Variants in UBE4B observed in about 807,000 individuals in gnomAD.
UBE4B encodes ubiquitination factor E4B.
A neutral mutation model predicts 148.1 loss-of-function variants in UBE4B; 27 were observed. The observed-to-expected ratio is 0.18, with a 90% CI of 0.13 to 0.25. The LOEUF is 0.25. Among genes scored for constraint, UBE4B ranks in the 10% least tolerant of loss-of-function variants. The pLI, the probability that UBE4B is intolerant of heterozygous loss-of-function variation, is 1.00. For synonymous variants in UBE4B, 596 were observed against 619.3 expected (o/e 0.96, Z 0.56); for missense variants, 1,170 against 1,662.4 (o/e 0.70, Z 5.15).
rs1406043582 is a variant in UBE4B at position 10,121,964 on chromosome 1, C to T, written c.1442C>T (p.Ser481Phe). The T allele has an allele frequency of 1.2e-5, 19 of 1,610,512 alleles. No individual in the cohort carries two copies. Among genetic ancestry groups the T allele is most frequent in the Middle Eastern group, 1.7e-4 (1 of 5,998 alleles). The change falls in exon 10 of 28, where the codon TCC (serine) becomes TTC (phenylalanine). Residue 481 changes from serine (S) to phenylalanine (F), a missense_variant and splice_region_variant. Transcript: ENST00000343090. ...VLQGSLTQPR[S>F]LQQPSFLVPY... Reference sequence around the variant, plus strand: ...CCCTAATGTTCATGGGTCCACAGGTCCTTGCAGCAGCCGTCCTTCCTAGTG... The same window carrying T: ...CCCTAATGTTCATGGGTCCACAGGTTCTTGCAGCAGCCGTCCTTCCTAGTG...
intron 5 of UBE4B, among the ~76,000 whole-genome samples, chr1:10,103,942 A>C (rs537654284): frequency 6.6e-6 from 1 of 152,042 alleles, no homozygotes; most frequent in Non-Finnish European, 1.5e-5. Context: ...TTGTAGTTTT[A>C]GTAGAGACAG....
At chr1:10,162,842 A>C (rs1025208920) in intron 23 of UBE4B, among the ~76,000 whole-genome samples, 3 of 151,866 alleles carry the variant, frequency 2.0e-5, no homozygotes, top group Non-Finnish European at 4.4e-5. Flanking sequence ...CATGTGTACC[A>C]ATGTTTAGCT....
intron 1 of UBE4B, among the ~76,000 whole-genome samples, chr1:10,040,904 G>C (rs1349585453): frequency 2.6e-5 from 4 of 152,102 alleles, no homozygotes; most frequent in African/African-American, 7.2e-5. Context: ...ACCGGCGTGA[G>C]CCACCGCACC....
At chr1:10,147,921 A>C (rs1645901083) in intron 19 of UBE4B, among the ~76,000 whole-genome samples, 1 of 152,206 alleles carries the variant, frequency 6.6e-6, no homozygotes, top group Non-Finnish European at 1.5e-5. Context: ...AAGGCGTGGA[A>C]AATATTATTT....
chr1:10,108,671 T>C (rs542131042), intron 7 of UBE4B, among the ~76,000 whole-genome samples: 20 of 152,308 alleles, frequency 1.3e-4, no homozygotes, highest in African/African-American at 4.8e-4. Context: ...GAAGAATCAT[T>C]AGAGAATACG....
chr1:10,044,031 G>A (rs981542955), intron 1 of UBE4B, among the ~76,000 whole-genome samples: 2 of 151,774 alleles, frequency 1.3e-5, no homozygotes, highest in South Asian at 2.1e-4. Flanking sequence ...ACAATTCCAC[G>A]TTTCTTTTCT....
intron 21 of UBE4B, among the ~76,000 whole-genome samples, chr1:10,158,020 A>G (rs1350354237): frequency 6.6e-6 from 1 of 152,220 alleles, no homozygotes; most frequent in Non-Finnish European, 1.5e-5. Context: ...TTGAGGTGCC[A>G]TAGAATTTCT....
intron 17 of UBE4B, among the ~76,000 whole-genome samples, chr1:10,137,918 A>ATTTTTTTTT (rs1252689119): frequency 1.8e-5 from 2 of 113,220 alleles, no homozygotes; most frequent in African/African-American, 7.0e-5. Flanking sequence ...TCACTTACTA[A>ATTTTTTTTT]TTCTTTTTTT....
intron 7 of UBE4B, among the ~76,000 whole-genome samples, chr1:10,111,889 A>G (rs564927044): frequency 6.6e-6 from 1 of 152,122 alleles, no homozygotes; most frequent in Non-Finnish European, 1.5e-5. Context: ...TCCGGGAGGC[A>G]GAGGTTGCAG....
At chr1:10,038,204 C>T (rs182968585) in intron 1 of UBE4B, among the ~76,000 whole-genome samples, 84 of 149,818 alleles carry the variant, frequency 5.6e-4, no homozygotes, top group African/African-American at 1.9e-3. Flanking sequence ...TGCTTGAACC[C>T]GGGAGGCGGA....
At chr1:10,103,704 C>T (rs1453908051) in intron 5 of UBE4B, among the ~76,000 whole-genome samples, 1 of 149,298 alleles carries the variant, frequency 6.7e-6, no homozygotes, top group Non-Finnish European at 1.5e-5. Flanking sequence ...AGTCTTGGCT[C>T]ACTGCAACTC....
chr1:10,041,849 A>G (rs371915688), intron 1 of UBE4B, among the ~76,000 whole-genome samples: 4 of 151,220 alleles, frequency 2.6e-5, no homozygotes, highest in Non-Finnish European at 5.9e-5. Context: ...GGCACATGCC[A>G]CTACTGCCCG....
At chr1:10,045,568 A>G (rs1025442123) in intron 1 of UBE4B, among the ~76,000 whole-genome samples, 10 of 152,356 alleles carry the variant, frequency 6.6e-5, no homozygotes, top group Admixed American at 5.9e-4. Flanking sequence ...AATATGGTCT[A>G]TGTCCAGCAT....
chr1:10,168,094 C>T lies in UBE4B; in HGVS notation c.3199-42C>T, dbSNP rs201205717. 1.4e-5 allele frequency: 23 copies of T among 1,588,758 alleles called. No individual in the cohort carries two copies. In the East Asian group the frequency reaches 3.6e-4, roughly 25 times the overall value. Reference sequence around the variant, plus strand: ...GCTTGGCGCTTTGCTGAGCTGATGACCAGGACCGAGCCTTACTCAGCGTCT... The same window carrying T: ...GCTTGGCGCTTTGCTGAGCTGATGATCAGGACCGAGCCTTACTCAGCGTCT... On this transcript the variant is annotated intron_variant, in intron 23 of 27. Transcript: ENST00000343090. The surrounding 1 kb of genome is among the most constrained non-coding windows in gnomAD (Gnocchi z 4.9).
rs141697597 is a variant in UBE4B, at chr1:10,086,184, G to C, written c.212-9277G>C. Among the ~76,000 whole-genome samples, 699 of 152,228 alleles carry C rather than the reference G, an allele frequency of 4.6e-3. 3 individuals carry two copies. The highest frequency in any genetic ancestry group is 0.01 in the Middle Eastern group (3 of 294). Reference sequence around the variant, plus strand: ...GATGGGGTTTCACCGTGTTAGCCAGGATGGTCTCGATCTCCTGACCTCGTG... The same window carrying C: ...GATGGGGTTTCACCGTGTTAGCCAGCATGGTCTCGATCTCCTGACCTCGTG... On this transcript the variant is annotated intron_variant, in intron 2 of 27. Transcript: ENST00000343090.
Position 10,105,524 on chromosome 1 carries a change from G to T in UBE4B, c.589G>T (p.Asp197Tyr), listed in dbSNP as rs377095783. The T allele has an allele frequency of 6.2e-7, 1 of 1,614,066 alleles. No individual in the cohort carries two copies. The highest frequency in any genetic ancestry group is 1.1e-5 in the South Asian group (1 of 91,054). The change falls in exon 6 of 28, where the codon GAT (aspartate) becomes TAT (tyrosine). Residue 197 changes from aspartate to tyrosine, a missense_variant. Asp to Tyr is a radical substitution (Grantham distance 160). This residue lies in a region of UBE4B where 91 missense variants were observed against 120.5 expected (regional missense o/e 0.76). Transcript: ENST00000343090. Reference sequence around the variant, plus strand: ...TTCTGCCTTTCCAACAGTATTCTCCGATTTTAAGGACTTGATTGGCCAGAT... The same window carrying T: ...TTCTGCCTTTCCAACAGTATTCTCCTATTTTAAGGACTTGATTGGCCAGAT... ...FKQNPKEVFSDFKDLIGQILM... is the reference protein window; with the variant it reads ...FKQNPKEVFSYFKDLIGQILM...
chr1:10,087,369 C>T (rs61048581), intron 2 of UBE4B, among the ~76,000 whole-genome samples: 3,808 of 152,208 alleles, frequency 0.025, 167 homozygotes, highest in African/African-American at 0.086. Context: ...TTCCTGTGTA[C>T]CCTTCATCCA....
chr1:10,047,457 C>T (rs1339170223), intron 1 of UBE4B, among the ~76,000 whole-genome samples: 1 of 151,270 alleles, frequency 6.6e-6, no homozygotes, highest in Non-Finnish European at 1.5e-5. Flanking sequence ...TGTTCTATCC[C>T]ATAAGAGCAT....
At chr1:10,088,136 T>A (rs1037412192) in intron 2 of UBE4B, among the ~76,000 whole-genome samples, 1 of 152,168 alleles carries the variant, frequency 6.6e-6, no homozygotes, top group Non-Finnish European at 1.5e-5. Flanking sequence ...CTTGGATTTT[T>A]CCTGCCCCAG....
Sources: gnomAD v4.1 joint callset for allele counts (sites outside exome capture counted in the v4.1 genomes callset) on GRCh38, gnomAD v4.1.1 for gene constraint, gnomAD v4.1.1 regional missense constraint, Gnocchi (gnomAD v3.1) non-coding constraint, MANE v1.5 for transcripts, NCBI Gene and HGNC (gene_info 2026-07-23, HGNC 2026-07-21) for gene names.